The following MED26 variants were observed in gnomAD, a reference collection of about 807,000 sequenced individuals.
The protein encoded by MED26 is mediator complex subunit 26.
MED26 carries 7 observed loss-of-function variants against 43.7 expected under a neutral mutation model. The observed-to-expected ratio is 0.16, with a 90% CI of 0.09 to 0.30. MED26 has a LOEUF of 0.30. Among genes scored for constraint, MED26 ranks in the 10% least tolerant of loss-of-function variants. The pLI, the probability that MED26 is intolerant of heterozygous loss-of-function variation, is 1.00. For synonymous variants in MED26, 375 were observed against 371.1 expected, an observed-to-expected ratio of 1.01 and a Z score of -0.12; for missense variants, 784 against 840.6, an observed-to-expected ratio of 0.93 and a Z score of 0.83.
chr19:16,611,758 AT>A (rs1468535610), intron 1 of MED26: 1 of 152,100 alleles, frequency 6.6e-6, no homozygotes, highest in Non-Finnish European at 1.5e-5. Flanking sequence ...GCTATAGGCT[AT>A]TTGACTCTGT....
Position 16,576,074 on chromosome 19 carries a change from C to G in MED26, c.1756G>C (p.Gly586Arg). 6.2e-7 allele frequency: 1 copy of G among 1,613,804 alleles called. No individual in the cohort carries two copies. The highest frequency in any genetic ancestry group is 8.5e-7 in the Non-Finnish European group (1 of 1,180,010). ...AGAATGTTCAAGCGCCCGTCGTCGC[C>G]GTGCGGATCGAGCGATATGCACTGC... Reference protein sequence around the residue: ...WTQCISLDPHGDDGRLNILPY... With the variant: ...WTQCISLDPHRDDGRLNILPY... Residue 586 changes from glycine (G) to arginine (R), a missense_variant, in exon 3 of 3, where the codon GGC becomes CGC. Transcript: ENST00000263390. This position sits in a 1 kb window ranked among gnomAD's most constrained non-coding sequence, Gnocchi z 6.8.
chr19:16,579,818 ATT>A (rs1451844622), intron 1 of MED26, among the ~76,000 whole-genome samples: 1 of 152,164 alleles, frequency 6.6e-6, no homozygotes, highest in East Asian at 1.9e-4. Flanking sequence ...ATTTCCTTGC[ATT>A]TTTTTCCAAA....
At position 16,576,199 on chromosome 19, in the gene MED26, G is replaced by C. The variant is rs1387252375; in HGVS notation, c.1631C>G (p.Thr544Ser). Reference sequence around the variant, plus strand: ...GAGATCGTCCTGTGTGACCTCCCGGGTCAGACCAGGGAGGTCCGTGGGCGG... The same window carrying C: ...GAGATCGTCCTGTGTGACCTCCCGGCTCAGACCAGGGAGGTCCGTGGGCGG... ...QSPPTDLPGLTREVTQDDLDR... is the reference protein window; with the variant it reads ...QSPPTDLPGLSREVTQDDLDR... Residue 544 changes from threonine to serine, a missense_variant, in exon 3 of 3, where the codon ACC becomes AGC. Coordinates refer to ENST00000263390, the MANE Select transcript of MED26 (RefSeq NM_004831.5). The surrounding 1 kb of genome is among the most constrained non-coding windows in gnomAD (Gnocchi z 6.8). 6.2e-7 allele frequency: 1 copy of C among 1,612,638 alleles called. No individual in the cohort carries two copies. The highest frequency in any genetic ancestry group is 8.5e-7 in the Non-Finnish European group (1 of 1,180,018).
At chr19:16,601,079 A>G (rs2086147012) in intron 1 of MED26, among the ~76,000 whole-genome samples, 1 of 151,986 alleles carries the variant, frequency 6.6e-6, no homozygotes, top group Admixed American at 6.6e-5. Context: ...ACAAGCAGCT[A>G]AGGCACAGAG....
At chr19:16,600,695 A>C (rs1397529000) in intron 1 of MED26, among the ~76,000 whole-genome samples, 2 of 152,038 alleles carry the variant, frequency 1.3e-5, no homozygotes, top group Admixed American at 6.5e-5. Context: ...CCCAAAGAGA[A>C]TCCCACAGGC....
In MED26 at chr19:16,577,290, G is replaced by A. The variant is rs750051834; in HGVS notation, c.540C>T (p.Leu180=). Residue 180 remains leucine, a synonymous_variant, in exon 3 of 3, where the codon CTC becomes CTT. Transcript: ENST00000263390. The surrounding 1 kb of genome is among the most constrained non-coding windows in gnomAD (Gnocchi z 8.1). The part of the protein sequence containing the change: ...HDPLVPNSSP[L]PTNGISGSPE... ...GACTCCCACTGATCCCGTTGGTGGG[G>A]AGGGGGGATGAGTTGGGGACCAGGG... is the stretch of plus-strand genomic sequence containing the variant. 5.6e-6 allele frequency: 9 copies of A among 1,611,638 alleles called. No homozygotes were observed. The highest frequency in any genetic ancestry group is 2.2e-5 in the South Asian group (2 of 91,072).
rs2086017489 is a variant in MED26, at chr19:16,577,472, G to T, written c.358C>A (p.Pro120Thr). The change falls in exon 3 of 3, where the codon CCA becomes ACA. Residue 120 changes from proline to threonine, a missense_variant. Physicochemically the swap from Pro to Thr is conservative, Grantham distance 38. Coordinates refer to ENST00000263390, the MANE Select transcript of MED26 (RefSeq NM_004831.5). The surrounding 1 kb of genome is among the most constrained non-coding windows in gnomAD (Gnocchi z 8.1). ...NCRPEVGAAGPPRSIHDLKSR... is the reference protein window; with the variant it reads ...NCRPEVGAAGTPRSIHDLKSR... Reference sequence around the variant, plus strand: ...TTCAGGTCATGGATGCTCCTGGGTGGGCCAGCCGCCCCCACCTCCGGCCGG... The same window carrying T: ...TTCAGGTCATGGATGCTCCTGGGTGTGCCAGCCGCCCCCACCTCCGGCCGG... 9 of 1,589,160 alleles carry T rather than the reference G, an allele frequency of 5.7e-6. No homozygotes were observed. Among genetic ancestry groups the T allele is most frequent in the Non-Finnish European group, 4.3e-6 (5 of 1,164,944 alleles).
At position 16,628,067 on chromosome 19, in the gene MED26, G is replaced by A; in HGVS notation, c.-124C>T. On this transcript the variant is annotated 5_prime_UTR_variant, in exon 1 of 3. Coordinates refer to ENST00000263390, the MANE Select transcript of MED26 (RefSeq NM_004831.5). ...CGCATGTTCCCCGCGGCGCCGGGGG[G>A]TTGGGGGCGCGCGGGGTGGCGGAGA... The A allele has an allele frequency of 4.1e-6, 2 of 484,696 alleles. No homozygotes were observed. The highest frequency in any genetic ancestry group is 3.3e-6 in the Non-Finnish European group (1 of 303,564). The allele number at this position is 484,696 out of a possible 1,614,324, so 30.0% of individuals were successfully genotyped here.
At position 16,575,527 on chromosome 19, in the gene MED26, G is replaced by T. The variant is rs2085989064; in HGVS notation, c.*500C>A. 1 of 158,036 alleles carries T rather than the reference G, an allele frequency of 6.3e-6. No individual in the cohort carries two copies. The highest frequency in any genetic ancestry group is 6.1e-5 in the Admixed American group (1 of 16,484). The allele number at this position is 158,036 out of a possible 1,614,324, so 9.8% of individuals were successfully genotyped here. On this transcript the variant is annotated 3_prime_UTR_variant, in exon 3 of 3. Coordinates refer to ENST00000263390, the MANE Select transcript of MED26 (RefSeq NM_004831.5). ...CACTGGCCTGACAGTGGCTGGGTAG[G>T]GAGCAAACAGAGGCAGTGGCATGGC... is the stretch of plus-strand genomic sequence containing the variant.
At chr19:16,582,255 T>C (rs1804057489) in intron 1 of MED26, among the ~76,000 whole-genome samples, 1 of 152,164 alleles carries the variant, frequency 6.6e-6, no homozygotes, top group African/African-American at 2.4e-5. Context: ...GGGGCATTGA[T>C]GTCAAGCAGT....
intron 1 of MED26, among the ~76,000 whole-genome samples, chr19:16,580,543 A>T (rs2086040135): frequency 6.7e-6 from 1 of 150,064 alleles, no homozygotes; most frequent in Non-Finnish European, 1.5e-5. Flanking sequence ...TAATTTTTGT[A>T]TTTTTTTTTA....
intron 1 of MED26, among the ~76,000 whole-genome samples, chr19:16,612,874 GTTGTC>G (rs1345999866): frequency 6.6e-6 from 1 of 152,160 alleles, no homozygotes; most frequent in African/African-American, 2.4e-5. Context: ...ATTATGCAAT[GTTGTC>G]TTGTAACTGC....
intron 1 of MED26, among the ~76,000 whole-genome samples, chr19:16,585,473 TAAC>T (rs1473966949): frequency 3.3e-5 from 5 of 151,786 alleles, no homozygotes; most frequent in African/African-American, 1.2e-4. Flanking sequence ...GGGAGAAACA[TAAC>T]AATGAGCCAG....
chr19:16,604,758 G>C (rs1240823903), intron 1 of MED26, among the ~76,000 whole-genome samples: 1 of 152,186 alleles, frequency 6.6e-6, no homozygotes, highest in Non-Finnish European at 1.5e-5. Flanking sequence ...AAGATGCACA[G>C]TCACCCTAGC....
chr19:16,612,897 T>C (rs2086205962), intron 1 of MED26, among the ~76,000 whole-genome samples: 1 of 152,228 alleles, frequency 6.6e-6, no homozygotes, highest in African/African-American at 2.4e-5. Flanking sequence ...TGCTCCTTGC[T>C]GACACTAAAG....
At chr19:16,578,297 G>T in intron 2 of MED26, 38 bp downstream of exon 2, 2 of 1,592,034 alleles carry the variant, frequency 1.3e-6, no homozygotes, top group Non-Finnish European at 1.7e-6. Context: ...CCTGCCCCCC[G>T]TTCTGCCCTC....
At chr19:16,616,066 G>C (rs2086224807) in intron 1 of MED26, among the ~76,000 whole-genome samples, 1 of 152,176 alleles carries the variant, frequency 6.6e-6, no homozygotes, top group South Asian at 2.1e-4. Flanking sequence ...ATGGACTGGA[G>C]AGAGGAAGGG....
At position 16,577,315 on chromosome 19, in the gene MED26, G is replaced by T; in HGVS notation, c.515C>A (p.Pro172His). The change falls in exon 3 of 3, where the codon CCC becomes CAC. Residue 172 changes from proline to histidine, a missense_variant. Physicochemically the swap from Pro to His is moderately conservative, Grantham distance 77. Around this residue, in one of 3 missense-constraint regions of MED26, gnomAD observed 719 missense variants for 730.9 expected, o/e 0.98. Transcript: ENST00000263390. The surrounding 1 kb of genome is among the most constrained non-coding windows in gnomAD (Gnocchi z 8.1). ...PPKVSKASHD[P>H]LVPNSSPLPT... ...GAGGGGGGATGAGTTGGGGACCAGGGGGTCGTGGCTAGCTTTGGAGACCTT... is the reference window on the plus strand; with the variant it reads ...GAGGGGGGATGAGTTGGGGACCAGGTGGTCGTGGCTAGCTTTGGAGACCTT... 1 of 1,611,942 alleles carries T rather than the reference G, an allele frequency of 6.2e-7. No homozygotes were observed. The highest frequency in any genetic ancestry group is 1.7e-5 in the Admixed American group (1 of 60,002).
chr19:16,616,828 A>G (rs2086228347), intron 1 of MED26, among the ~76,000 whole-genome samples: 1 of 152,078 alleles, frequency 6.6e-6, no homozygotes, highest in Admixed American at 6.5e-5. Flanking sequence ...AAAAGAGACC[A>G]ATGCAGCAAG....
Sources: allele counts gnomAD v4.1 joint callset (sites outside exome capture counted in the v4.1 genomes callset), GRCh38; gene constraint gnomAD v4.1.1; regional missense constraint gnomAD v4.1.1; non-coding constraint Gnocchi (gnomAD v3.1); transcripts MANE v1.5; gene names NCBI Gene and HGNC (gene_info 2026-07-23, HGNC 2026-07-21).